DSCAM: variants seen among roughly 807,000 people sequenced by gnomAD.
The protein encoded by DSCAM is cell adhesion molecule DSCAM.
A neutral mutation model predicts 217.7 loss-of-function variants in DSCAM; 47 were observed. The ratio of observed to expected loss-of-function variants is 0.22; its 90% CI spans 0.17 to 0.28. The LOEUF (loss-of-function observed/expected upper bound fraction) is 0.28. Among genes scored for constraint, DSCAM ranks in the 10% least tolerant of loss-of-function variants. The pLI is 1.00. For synonymous variants in DSCAM, 1,056 were observed against 1,015.3 expected (o/e 1.04, Z -0.76); for missense variants, 2,080 against 2,618.3 (o/e 0.79, Z 4.49).
In DSCAM at chr21:40,684,222, CA is replaced by C. The variant is rs919741080; in HGVS notation, c.508+8587del. On this transcript the variant is annotated intron_variant, in intron 3 of 32. Coordinates refer to ENST00000400454, the MANE Select transcript of DSCAM (RefSeq NM_001389.5). ...CCTGGGTGACAGAGTGAGACTCCAT[CA>C]AAAAAAAAGAAAAAAGAAAAAAGAA... Among the ~76,000 whole-genome samples the C allele has an allele frequency of 1.1e-3, 162 of 148,742 alleles. 1 individual carries two copies. The highest frequency in any genetic ancestry group is 3.7e-3 in the African/African-American group (150 of 40,478).
chr21:40,592,709 C>T (rs141799727), intron 3 of DSCAM, among the ~76,000 whole-genome samples: 40 of 152,298 alleles, frequency 2.6e-4, no homozygotes, highest in Middle Eastern at 3.4e-3. Context: ...CTGACCATCT[C>T]ATCCATCACC....
At chr21:40,249,979 AG>A (rs1410580910) in intron 11 of DSCAM, among the ~76,000 whole-genome samples, 1 of 152,208 alleles carries the variant, frequency 6.6e-6, no homozygotes, top group Non-Finnish European at 1.5e-5. Flanking sequence ...ACCTGGGTGG[AG>A]CCATTTCAAA....
At chr21:40,240,972 C>T (rs56814800) in intron 11 of DSCAM, among the ~76,000 whole-genome samples, 2,151 of 152,252 alleles carry the variant, frequency 0.014, 63 homozygotes, top group African/African-American at 0.05. Flanking sequence ...CCTTACACCA[C>T]ACGCAAAAAT....
intron 1 of DSCAM, among the ~76,000 whole-genome samples, chr21:40,759,825 G>C (rs11088530): frequency 0.3 from 44,922 of 151,900 alleles, 7,691 homozygotes; most frequent in East Asian, 0.4. Flanking sequence ...CCTCACTGCC[G>C]CCTTCTATCT....
At chr21:40,083,175 T>C (rs546000186) in intron 24 of DSCAM, among the ~76,000 whole-genome samples, 28 of 152,308 alleles carry the variant, frequency 1.8e-4, no homozygotes, top group African/African-American at 6.0e-4. Flanking sequence ...ACGCCTGTAA[T>C]CCCAGTACTT....
chr21:40,125,030 T>G (rs574586033), intron 19 of DSCAM, among the ~76,000 whole-genome samples: 1 of 152,210 alleles, frequency 6.6e-6, no homozygotes, highest in African/African-American at 2.4e-5. Context: ...AGCATGAGGG[T>G]GAACTACCTC....
chr21:40,368,675 T>A (rs1398401933), intron 4 of DSCAM, among the ~76,000 whole-genome samples: 1 of 152,228 alleles, frequency 6.6e-6, no homozygotes, highest in Admixed American at 6.5e-5. Flanking sequence ...TTTGGTCACT[T>A]CCATCTCACT....
At chr21:40,585,438 A>AG (rs1200763501) in intron 3 of DSCAM, among the ~76,000 whole-genome samples, 1 of 44,826 alleles carries the variant, frequency 2.2e-5, no homozygotes, top group East Asian at 8.1e-4. Flanking sequence ...AAAAAAAAAA[A>AG]AAAAAGAAAA....
intron 4 of DSCAM, among the ~76,000 whole-genome samples, chr21:40,361,809 GC>G (rs1272154368): frequency 6.6e-6 from 1 of 152,160 alleles, no homozygotes; most frequent in Non-Finnish European, 1.5e-5. Flanking sequence ...AAAGTGGCTA[GC>G]TTTTAAACAA....
intron 3 of DSCAM, among the ~76,000 whole-genome samples, chr21:40,477,371 A>G (rs1384666327): frequency 2.0e-5 from 3 of 152,198 alleles, no homozygotes; most frequent in Non-Finnish European, 4.4e-5. Flanking sequence ...AGATAGTTAA[A>G]AAATGATAAT....
At chr21:40,487,265 C>G (rs1018016073) in intron 3 of DSCAM, among the ~76,000 whole-genome samples, 34 of 151,612 alleles carry the variant, frequency 2.2e-4, no homozygotes, top group Non-Finnish European at 4.3e-4. Flanking sequence ...CCCTCTCTCT[C>G]TCTCTCTCTG....
intron 3 of DSCAM, among the ~76,000 whole-genome samples, chr21:40,633,649 G>C (rs1601807643): frequency 6.6e-6 from 1 of 152,312 alleles, no homozygotes; most frequent in East Asian, 1.9e-4. Context: ...AACTGAGTGA[G>C]AAGAAAGGAG....
At chr21:40,827,050 G>A (rs771282921) in intron 1 of DSCAM, among the ~76,000 whole-genome samples, 1 of 152,106 alleles carries the variant, frequency 6.6e-6, no homozygotes, top group Non-Finnish European at 1.5e-5. Context: ...TTAATCCCTG[G>A]AGTGGGCTGC....
intron 32 of DSCAM, among the ~76,000 whole-genome samples, chr21:40,025,892 G>A (rs1316152236): frequency 1.3e-5 from 2 of 150,248 alleles, no homozygotes; most frequent in African/African-American, 4.9e-5. Flanking sequence ...TCTGATTTTA[G>A]TTATTTCTTG....
chr21:40,525,190 A>G (rs1381706249), intron 3 of DSCAM, among the ~76,000 whole-genome samples: 3 of 152,184 alleles, frequency 2.0e-5, no homozygotes, highest in Non-Finnish European at 4.4e-5. Flanking sequence ...GAGTCCCAAA[A>G]GTGGATTTTA....
intron 10 of DSCAM, among the ~76,000 whole-genome samples, chr21:40,277,890 T>C (rs1021011601): frequency 6.9e-6 from 1 of 144,736 alleles, no homozygotes; most frequent in Non-Finnish European, 1.5e-5. Flanking sequence ...AAAAGAAAAA[T>C]AATAAGAAGA....
chr21:40,772,911 T>C (rs569250836), intron 1 of DSCAM, among the ~76,000 whole-genome samples: 2 of 152,360 alleles, frequency 1.3e-5, no homozygotes, highest in South Asian at 4.1e-4. Context: ...AGCTGTCTTC[T>C]GTCAAATAAA....
chr21:40,500,790 C>A (rs139580425), intron 3 of DSCAM, among the ~76,000 whole-genome samples: 34 of 152,288 alleles, frequency 2.2e-4, no homozygotes, highest in African/African-American at 7.7e-4. Context: ...AACTCTCTAA[C>A]GATACTGCTC....
At chr21:40,318,980 G>A (rs572166750) in intron 8 of DSCAM, among the ~76,000 whole-genome samples, 73 of 152,220 alleles carry the variant, frequency 4.8e-4, no homozygotes, top group African/African-American at 1.6e-3. Context: ...CTTGCAGTGT[G>A]GTGGAGATGA....
Sources: allele counts gnomAD v4.1 joint callset (sites outside exome capture counted in the v4.1 genomes callset), GRCh38; gene constraint gnomAD v4.1.1; transcripts MANE v1.5; gene names NCBI Gene and HGNC (gene_info 2026-07-23, HGNC 2026-07-21).